The following NDUFS4 variants were observed in gnomAD, a reference collection of about 807,000 sequenced individuals.
The protein encoded by NDUFS4 is NADH dehydrogenase [ubiquinone] iron-sulfur protein 4, mitochondrial.
Under a neutral mutation model 24.3 loss-of-function variants are expected in NDUFS4, and 28 were observed. The observed-to-expected ratio is 1.15, with a 90% CI of 0.85 to 1.58. The LOEUF (loss-of-function observed/expected upper bound fraction) is 1.58. NDUFS4 is among the 40% of genes most tolerant of loss of function. The probability of loss-of-function intolerance (pLI) is 0.00; values close to 1 mark genes in which losing one functional copy is unlikely to be tolerated. For synonymous variants in NDUFS4, 93 were observed against 69.7 expected, an observed-to-expected ratio of 1.34 and a Z score of -1.67; for missense variants, 223 against 207.9, an observed-to-expected ratio of 1.07 and a Z score of -0.45.
At chr5:53,638,147 A>C (rs1460484377) in intron 2 of NDUFS4, among the ~76,000 whole-genome samples, 4 of 152,080 alleles carry the variant, frequency 2.6e-5, no homozygotes, top group African/African-American at 9.7e-5. Flanking sequence ...TTTATGGAAC[A>C]CTCATTAATA....
At chr5:53,571,963 G>A (rs1749223359) in intron 1 of NDUFS4, among the ~76,000 whole-genome samples, 1 of 152,074 alleles carries the variant, frequency 6.6e-6, no homozygotes, top group South Asian at 2.1e-4. Context: ...TATCTCTCTA[G>A]GTTCATGGTT....
chr5:53,657,349 A>G (rs1302002395), intron 3 of NDUFS4, among the ~76,000 whole-genome samples: 1 of 152,182 alleles, frequency 6.6e-6, no homozygotes, highest in East Asian at 1.9e-4. Flanking sequence ...GTGGGTTATG[A>G]TAAGAATATA....
rs767905394 is a variant in NDUFS4, at chr5:53,683,257, A to G, written c.*36A>G. 1.4e-6 allele frequency: 2 copies of G among 1,412,260 alleles called. No individual in the cohort carries two copies. Among genetic ancestry groups the G allele is most frequent in the African/African-American group, 1.4e-5 (1 of 70,558 alleles). 87.5% of individuals were successfully genotyped at this position (1,412,260 alleles called of 1,614,324 possible). A position where few individuals can be genotyped will look rare whatever the true frequency, so the allele number is the denominator to read the frequency against. ...ACTATATCTCTGCTTGACTGTGAAT[A>G]AAGTCAGCTGTGCAGTATTTATAGT... On this transcript the variant is annotated 3_prime_UTR_variant, in exon 5 of 5. Coordinates refer to ENST00000296684, the MANE Select transcript of NDUFS4 (RefSeq NM_002495.4).
chr5:53,626,152 T>C (rs1157489337), intron 2 of NDUFS4, among the ~76,000 whole-genome samples: 2 of 152,194 alleles, frequency 1.3e-5, no homozygotes, highest in African/African-American at 4.8e-5. Flanking sequence ...TTTTCTCTTC[T>C]TGTGTTACTT....
intron 2 of NDUFS4, among the ~76,000 whole-genome samples, chr5:53,611,700 G>T (rs1435869810): frequency 6.6e-6 from 1 of 152,020 alleles, no homozygotes; most frequent in Non-Finnish European, 1.5e-5. Flanking sequence ...TTTTGTTGCA[G>T]GAGGAGCTGT....
chr5:53,676,204 A>G (rs1460487661), intron 4 of NDUFS4, among the ~76,000 whole-genome samples: 1 of 152,170 alleles, frequency 6.6e-6, no homozygotes, highest in East Asian at 1.9e-4. Context: ...TTTTTCCAGG[A>G]CTGGGTTGAG....
At chr5:53,680,625 C>G (rs964636909) in intron 4 of NDUFS4, among the ~76,000 whole-genome samples, 1 of 151,244 alleles carries the variant, frequency 6.6e-6, no homozygotes, top group African/African-American at 2.4e-5. Flanking sequence ...TGTTCTCACT[C>G]ATAGGTGGGA....
intron 4 of NDUFS4, among the ~76,000 whole-genome samples, chr5:53,680,056 T>TAAAG (rs1024257816): frequency 3.9e-5 from 6 of 152,166 alleles, no homozygotes; most frequent in African/African-American, 1.4e-4. Flanking sequence ...GGGATATTTT[T>TAAAG]AAAGAAATGC....
intron 1 of NDUFS4, among the ~76,000 whole-genome samples, chr5:53,590,436 A>G (rs1020585436): frequency 7.9e-5 from 12 of 152,254 alleles, no homozygotes; most frequent in African/African-American, 2.9e-4. Context: ...GGTAGGACAT[A>G]TAACAAAAAC....
At chr5:53,572,145 A>C (rs929075817) in intron 1 of NDUFS4, among the ~76,000 whole-genome samples, 1 of 152,240 alleles carries the variant, frequency 6.6e-6, no homozygotes, top group Non-Finnish European at 1.5e-5. Context: ...GAAATATGAT[A>C]GAACAAAGGG....
At chr5:53,599,352 C>T (rs2112452089) in intron 1 of NDUFS4, among the ~76,000 whole-genome samples, 1 of 152,186 alleles carries the variant, frequency 6.6e-6, no homozygotes, top group Non-Finnish European at 1.5e-5. Context: ...ATACCATTTT[C>T]CATAGTGGTA....
At chr5:53,582,266 T>C (rs1441838183) in intron 1 of NDUFS4, among the ~76,000 whole-genome samples, 2 of 146,882 alleles carry the variant, frequency 1.4e-5, no homozygotes, top group African/African-American at 5.0e-5. Context: ...TAAAAATAAA[T>C]AGCTATATAC....
chr5:53,634,627 C>G (rs893121536), intron 2 of NDUFS4, among the ~76,000 whole-genome samples: 2 of 151,800 alleles, frequency 1.3e-5, no homozygotes, highest in Admixed American at 6.6e-5. Flanking sequence ...TCCCTCTTCC[C>G]TTTTTCCTTC....
chr5:53,604,598 T>C (rs1750438179), intron 2 of NDUFS4: 1 of 369,890 alleles, frequency 2.7e-6, no homozygotes, highest in African/African-American at 2.1e-5. Context: ...AAAATAGTCT[T>C]TGAAATGCTG....
At chr5:53,660,535 A>G (rs1752303635) in intron 4 of NDUFS4, among the ~76,000 whole-genome samples, 1 of 152,146 alleles carries the variant, frequency 6.6e-6, no homozygotes, top group African/African-American at 2.4e-5. Context: ...TTGCTGGGTC[A>G]AATGGTATTT....
chr5:53,599,591 T>C (rs1335371025), intron 1 of NDUFS4, among the ~76,000 whole-genome samples: 1 of 152,150 alleles, frequency 6.6e-6, no homozygotes, highest in East Asian at 1.9e-4. Flanking sequence ...CCATTTCTAA[T>C]TGGGTTGTTT....
chr5:53,617,442 AT>A (rs1405106314), intron 2 of NDUFS4, among the ~76,000 whole-genome samples: 1 of 146,780 alleles, frequency 6.8e-6, no homozygotes, highest in East Asian at 2.0e-4. Flanking sequence ...CATTTTTTTC[AT>A]TTTTCCTGCC....
chr5:53,593,469 C>T (rs1240434576), intron 1 of NDUFS4, among the ~76,000 whole-genome samples: 1 of 151,520 alleles, frequency 6.6e-6, no homozygotes, highest in Non-Finnish European at 1.5e-5. Context: ...AAAGGTTTAT[C>T]AGTTTTAATG....
intron 2 of NDUFS4, among the ~76,000 whole-genome samples, chr5:53,609,975 GC>G: frequency 6.6e-6 from 1 of 152,218 alleles, no homozygotes; most frequent in East Asian, 1.9e-4. Flanking sequence ...TAGCAATAAG[GC>G]TGTCTCTTTA....
Sources: gnomAD v4.1 joint callset for allele counts (sites outside exome capture counted in the v4.1 genomes callset) on GRCh38, gnomAD v4.1.1 for gene constraint, MANE v1.5 for transcripts, NCBI Gene and HGNC (gene_info 2026-07-23, HGNC 2026-07-21) for gene names.